CAMTA1: variants seen among roughly 807,000 people sequenced by gnomAD.
The protein encoded by CAMTA1 is calmodulin-binding transcription activator 1.
A neutral mutation model predicts 170.9 loss-of-function variants in CAMTA1; 27 were observed. The observed-to-expected ratio is 0.16, with a 90% CI of 0.12 to 0.22. The LOEUF (loss-of-function observed/expected upper bound fraction) is 0.22, where lower values mean the gene tolerates loss of function less well. Among genes scored for constraint, CAMTA1 ranks in the 10% least tolerant of loss-of-function variants. The pLI is 1.00. For synonymous variants in CAMTA1, 833 were observed against 891.5 expected, an observed-to-expected ratio of 0.93 and a Z score of 1.17; for missense variants, 1,619 against 2,217.2, an observed-to-expected ratio of 0.73 and a Z score of 5.42.
At chr1:7,724,593 G>T (rs2096671087) in intron 11 of CAMTA1, among the ~76,000 whole-genome samples, 1 of 152,104 alleles carries the variant, frequency 6.6e-6, no homozygotes, top group South Asian at 2.1e-4. Flanking sequence ...AGCACTTTGG[G>T]AGGCTGAGGT....
chr1:6,905,296 C>T (rs1160843410), intron 3 of CAMTA1, among the ~76,000 whole-genome samples: 2 of 150,052 alleles, frequency 1.3e-5, no homozygotes, highest in African/African-American at 2.5e-5. Context: ...CGGGTTCGAG[C>T]AATTCTCCTG....
intron 4 of CAMTA1, among the ~76,000 whole-genome samples, chr1:7,159,833 G>A (rs1276450701): frequency 6.6e-6 from 1 of 152,174 alleles, no homozygotes; most frequent in Non-Finnish European, 1.5e-5. Context: ...ACAGGCATGA[G>A]CTACCACCCC....
At chr1:6,833,019 TCAGCAGCAG>T (rs559003171) in intron 3 of CAMTA1, among the ~76,000 whole-genome samples, 2 of 151,754 alleles carry the variant, frequency 1.3e-5, no homozygotes, top group African/African-American at 2.4e-5. Context: ...GTGCAGTGCC[TCAGCAGCAG>T]CAGCAGCAGC....
At chr1:7,363,727 T>A (rs2085745502) in intron 5 of CAMTA1, among the ~76,000 whole-genome samples, 1 of 152,186 alleles carries the variant, frequency 6.6e-6, no homozygotes, top group East Asian at 1.9e-4. Flanking sequence ...TTGGCTGTGA[T>A]GAGGCTTGGC....
At chr1:7,017,069 T>C (rs952898147) in intron 3 of CAMTA1, among the ~76,000 whole-genome samples, 1 of 152,160 alleles carries the variant, frequency 6.6e-6, no homozygotes, top group African/African-American at 2.4e-5. Flanking sequence ...CTGGGAGTCT[T>C]CGACAGCTCT....
intron 5 of CAMTA1, among the ~76,000 whole-genome samples, chr1:7,374,956 A>G (rs1044267044): frequency 4.6e-5 from 7 of 152,178 alleles, no homozygotes; most frequent in Admixed American, 2.6e-4. Flanking sequence ...CTCGCTTTCA[A>G]TGGCTGCACC....
chr1:7,095,103 G>A (rs902976189), intron 4 of CAMTA1, among the ~76,000 whole-genome samples: 1 of 149,438 alleles, frequency 6.7e-6, no homozygotes, highest in African/African-American at 2.5e-5. Flanking sequence ...TTTCTCTGGA[G>A]CACTCATCGC....
At chr1:7,648,528 CT>C (rs2095825704) in intron 7 of CAMTA1, among the ~76,000 whole-genome samples, 1 of 152,336 alleles carries the variant, frequency 6.6e-6, no homozygotes, top group African/African-American at 2.4e-5. Context: ...TAGAGGGACT[CT>C]TTCTGGCCAG....
intron 3 of CAMTA1, among the ~76,000 whole-genome samples, chr1:6,841,449 G>A (rs1032613060): frequency 3.3e-5 from 5 of 152,130 alleles, no homozygotes; most frequent in African/African-American, 1.2e-4. Flanking sequence ...TGTTGGATTT[G>A]GTCAACTGAT....
At chr1:7,194,926 C>T (rs2148969858) in intron 4 of CAMTA1, among the ~76,000 whole-genome samples, 1 of 152,328 alleles carries the variant, frequency 6.6e-6, no homozygotes, top group South Asian at 2.1e-4. Context: ...CTATTCCTAG[C>T]AGTTATCTAG....
chr1:7,194,476 C>T (rs1344390591), intron 4 of CAMTA1, among the ~76,000 whole-genome samples: 1 of 152,088 alleles, frequency 6.6e-6, no homozygotes, highest in Non-Finnish European at 1.5e-5. Context: ...GAGGTCCTTT[C>T]ATTTCTCCAA....
At chr1:7,099,777 G>A (rs900202095) in intron 4 of CAMTA1, among the ~76,000 whole-genome samples, 29 of 152,182 alleles carry the variant, frequency 1.9e-4, no homozygotes, top group African/African-American at 6.8e-4. Flanking sequence ...GTTTGAGCTG[G>A]CCTGGCTGCT....
At chr1:7,559,486 C>T (rs2094928057) in intron 6 of CAMTA1, among the ~76,000 whole-genome samples, 1 of 152,236 alleles carries the variant, frequency 6.6e-6, no homozygotes, top group Admixed American at 6.5e-5. Flanking sequence ...TTTTAATAGT[C>T]TCAGATTAAA....
At chr1:6,844,508 CAAAAAA>C (rs34365054) in intron 3 of CAMTA1, among the ~76,000 whole-genome samples, 1 of 96,542 alleles carries the variant, frequency 1.0e-5, no homozygotes, top group Admixed American at 1.2e-4. Context: ...CATTGCATTA[CAAAAAA>C]AAAAAAAAAA....
intron 3 of CAMTA1, among the ~76,000 whole-genome samples, chr1:6,881,659 A>G (rs960754644): frequency 1.3e-5 from 2 of 152,148 alleles, no homozygotes; most frequent in African/African-American, 4.8e-5. Context: ...TGAGCAGGAA[A>G]AAGACATGAC....
chr1:6,819,102 A>G (rs1646181047), intron 1 of CAMTA1, among the ~76,000 whole-genome samples: 1 of 147,660 alleles, frequency 6.8e-6, no homozygotes, highest in Admixed American at 6.7e-5. Flanking sequence ...TACAGGCACA[A>G]GCCACCATGC....
In CAMTA1 at chr1:7,463,772, A is replaced by T. The variant is rs1022667135; in HGVS notation, c.439-4058A>T. ...CCCACAACATACCAACCTATAAGTG[A>T]TGTGCTTCCTTCTTGGGCCACTAAG... On this transcript the variant is annotated intron_variant, in intron 5 of 22. Transcript: ENST00000303635. This position sits in a 1 kb window ranked among gnomAD's most constrained non-coding sequence, Gnocchi z 4.7. Among the ~76,000 whole-genome samples the T allele has an allele frequency of 5.3e-5, 8 of 152,136 alleles. No individual in the cohort carries two copies. Among genetic ancestry groups the T allele is most frequent in the African/African-American group, 1.9e-4 (8 of 41,428 alleles).
At chr1:6,919,799 TCC>T (rs1681598827) in intron 3 of CAMTA1, among the ~76,000 whole-genome samples, 1 of 151,994 alleles carries the variant, frequency 6.6e-6, no homozygotes, top group Admixed American at 6.6e-5. Context: ...GCAGGGAAAC[TCC>T]CCCTTATAAT....
At chr1:7,028,308 T>C (rs1022470007) in intron 3 of CAMTA1, among the ~76,000 whole-genome samples, 2 of 152,214 alleles carry the variant, frequency 1.3e-5, no homozygotes, top group East Asian at 1.9e-4. Flanking sequence ...ATTGTCTTAA[T>C]TGCGGAGCAC....
Sources: allele counts gnomAD v4.1 joint callset (sites outside exome capture counted in the v4.1 genomes callset), GRCh38; gene constraint gnomAD v4.1.1; non-coding constraint Gnocchi (gnomAD v3.1); transcripts MANE v1.5; gene names NCBI Gene and HGNC (gene_info 2026-07-23, HGNC 2026-07-21).